Variants in MINDY3 observed in about 807,000 individuals in gnomAD.
MINDY3 encodes the protein MINDY lysine 48 deubiquitinase 3, also known as ubiquitin carboxyl-terminal hydrolase MINDY-3.
In MINDY3, 38 loss-of-function variants were observed where a neutral mutation model predicts 69.2. The ratio of observed to expected loss-of-function variants is 0.55; its 90% CI spans 0.42 to 0.72. The LOEUF (loss-of-function observed/expected upper bound fraction) is 0.72, where lower values mean the gene tolerates loss of function less well. Among genes scored for constraint, MINDY3 ranks in the 30% least tolerant of loss-of-function variants. The probability of loss-of-function intolerance (pLI) is 0.00; values close to 1 mark genes in which losing one functional copy is unlikely to be tolerated. For missense variants in MINDY3, 522 were observed against 519.0 expected (o/e 1.01, Z -0.06); for synonymous variants, 192 against 180.1 (o/e 1.07, Z -0.53).
At chr10:15,833,953 T>C (rs1832908901) in intron 7 of MINDY3, among the ~76,000 whole-genome samples, 1 of 152,118 alleles carries the variant, frequency 6.6e-6, no homozygotes, top group Admixed American at 6.5e-5. Flanking sequence ...ATCTAAGATA[T>C]ATTTAAATGG....
At chr10:15,786,674 T>G (rs758234455) in intron 12 of MINDY3, 26 bp from the exon 13 acceptor site, 2 of 1,333,692 alleles carry the variant, frequency 1.5e-6, no homozygotes, top group South Asian at 2.5e-5. Flanking sequence ...AGAAAAACAG[T>G]GGATACCAGA....
chr10:15,794,903 G>A (rs1358309374), intron 11 of MINDY3, among the ~76,000 whole-genome samples: 1 of 152,004 alleles, frequency 6.6e-6, no homozygotes, highest in African/African-American at 2.4e-5. Flanking sequence ...TGTCTGCTCT[G>A]AAGGCATTTT....
intron 8 of MINDY3, among the ~76,000 whole-genome samples, chr10:15,825,949 A>C (rs140647648): frequency 1.2e-3 from 181 of 152,242 alleles, no homozygotes; most frequent in African/African-American, 4.2e-3. Context: ...GAAAATTATA[A>C]AATAAAAATA....
chr10:15,850,023 T>C (rs1390723692), intron 1 of MINDY3, among the ~76,000 whole-genome samples: 1 of 152,164 alleles, frequency 6.6e-6, no homozygotes, highest in Admixed American at 6.5e-5. Context: ...AGAATATAAA[T>C]CGTGAAGATT....
intron 8 of MINDY3, among the ~76,000 whole-genome samples, chr10:15,832,806 T>G (rs992760425): frequency 6.6e-6 from 1 of 152,194 alleles, no homozygotes; most frequent in Non-Finnish European, 1.5e-5. Flanking sequence ...AACTACACAT[T>G]TCTGAATTTG....
In MINDY3 at chr10:15,778,849, C is replaced by T. The variant is rs1415764388; in HGVS notation, c.*143G>A. On this transcript the variant is annotated 3_prime_UTR_variant, in exon 15 of 15. Transcript: ENST00000277632. ...TTTAGGACAAATAATTTAAACATAT[C>T]ATAAACACTGAAAATGTGTTTTTAA... 2.5e-5 allele frequency: 16 copies of T among 648,922 alleles called. No individual in the cohort carries two copies. The highest frequency in any genetic ancestry group is 3.7e-5 in the African/African-American group (2 of 54,198). The allele number at this position is 648,922 out of a possible 1,614,324, so 40.2% of individuals were successfully genotyped here.
intron 6 of MINDY3, among the ~76,000 whole-genome samples, chr10:15,836,090 T>C (rs1186664325): frequency 6.6e-6 from 1 of 152,094 alleles, no homozygotes; most frequent in Non-Finnish European, 1.5e-5. Context: ...ATATTCTAAG[T>C]CTTTTCTTAC....
chr10:15,845,733 C>T (rs1833786759), intron 2 of MINDY3, among the ~76,000 whole-genome samples: 1 of 151,086 alleles, frequency 6.6e-6, no homozygotes, highest in African/African-American at 2.4e-5. Context: ...TTTTGAACTC[C>T]TGGCCTTAGG....
chr10:15,848,004 C>T (rs761084713), intron 1 of MINDY3, 61 bp from the exon 2 acceptor site: 151 of 1,305,998 alleles, frequency 1.2e-4, no homozygotes, highest in Non-Finnish European at 1.6e-4. Flanking sequence ...CTAAAAGAAT[C>T]TTTCATGTAC....
At chr10:15,841,005 GA>G (rs1833429497) in intron 4 of MINDY3, among the ~76,000 whole-genome samples, 1 of 151,396 alleles carries the variant, frequency 6.6e-6, no homozygotes, top group South Asian at 2.1e-4. Flanking sequence ...GCAATGAGGA[GA>G]AATGTCCCCA....
intron 11 of MINDY3, among the ~76,000 whole-genome samples, chr10:15,795,442 A>T: frequency 6.6e-6 from 1 of 151,812 alleles, no homozygotes; most frequent in Admixed American, 6.6e-5. Flanking sequence ...GGATACAGCA[A>T]CTTCCATTTC....
intron 12 of MINDY3, among the ~76,000 whole-genome samples, chr10:15,787,746 A>G (rs984624471): frequency 2.6e-5 from 4 of 152,260 alleles, no homozygotes; most frequent in East Asian, 3.9e-4. Context: ...GCCTGTGGCT[A>G]TCATTCTTGT....
At chr10:15,842,990 C>T (rs923136637) in intron 3 of MINDY3, among the ~76,000 whole-genome samples, 5 of 151,362 alleles carry the variant, frequency 3.3e-5, no homozygotes, top group Non-Finnish European at 5.9e-5. Context: ...TACCAAGAGG[C>T]CAAACGTTTT....
At chr10:15,819,147 A>T (rs548442222) in intron 9 of MINDY3, among the ~76,000 whole-genome samples, 2 of 152,288 alleles carry the variant, frequency 1.3e-5, no homozygotes, top group Non-Finnish European at 1.5e-5. Flanking sequence ...AATCAAAATG[A>T]TATTGCAAAA....
intron 7 of MINDY3, among the ~76,000 whole-genome samples, chr10:15,834,118 A>C (rs1437798119): frequency 6.6e-6 from 1 of 152,020 alleles, no homozygotes; most frequent in Non-Finnish European, 1.5e-5. Context: ...AGAGTAGGTT[A>C]ACTATCACTG....
intron 10 of MINDY3, among the ~76,000 whole-genome samples, chr10:15,813,537 C>A (rs1839153383): frequency 6.6e-6 from 1 of 152,144 alleles, no homozygotes; most frequent in Non-Finnish European, 1.5e-5. Context: ...ATTTATATAT[C>A]CTTGAGTAAC....
intron 1 of MINDY3, among the ~76,000 whole-genome samples, chr10:15,850,582 G>C (rs375068079): frequency 1.3e-5 from 2 of 152,128 alleles, no homozygotes; most frequent in East Asian, 1.9e-4. Flanking sequence ...GCGCCCCCAG[G>C]CTTATTAGGA....
intron 11 of MINDY3, among the ~76,000 whole-genome samples, chr10:15,793,626 G>C (rs563844565): frequency 1.3e-5 from 2 of 152,192 alleles, no homozygotes; most frequent in African/African-American, 4.8e-5. Context: ...ACTGGTAGTA[G>C]AGAGAAGGGG....
chr10:15,790,875 G>T (rs1232251680), intron 11 of MINDY3, among the ~76,000 whole-genome samples: 1 of 152,102 alleles, frequency 6.6e-6, no homozygotes, highest in South Asian at 2.1e-4. Context: ...CAGGAGCACT[G>T]ACAGCATGTA....
Sources: gnomAD v4.1 joint callset for allele counts (sites outside exome capture counted in the v4.1 genomes callset) on GRCh38, gnomAD v4.1.1 for gene constraint, MANE v1.5 for transcripts, NCBI Gene and HGNC (gene_info 2026-07-23, HGNC 2026-07-21) for gene names.